Variants in C13orf42 observed in about 807,000 individuals in gnomAD.
C13orf42 encodes uncharacterized protein C13orf42.
chr13:51,164,240 G>A (rs1375339616), intron 1 of C13orf42, among the ~76,000 whole-genome samples: 3 of 152,182 alleles, frequency 2.0e-5, no homozygotes, highest in Non-Finnish European at 2.9e-5. Context: ...CTTCCCCACT[G>A]GACTGTAAGC....
At position 51,153,101 on chromosome 13, in the gene C13orf42, T is replaced by C. The variant is rs567041446; in HGVS notation, n.136+19152A>G. ...AATCTTAAAACTCTTAATGATTGTATCTTTGAATTAATGTTTTGTAAGTCA... is the reference window on the plus strand; with the variant it reads ...AATCTTAAAACTCTTAATGATTGTACCTTTGAATTAATGTTTTGTAAGTCA... On this transcript the variant is annotated intron_variant and non_coding_transcript_variant, in intron 1 of 4. Transcript: ENST00000433280. Among the ~76,000 whole-genome samples, 5 of 152,342 alleles carry C rather than the reference T, an allele frequency of 3.3e-5. No homozygotes were observed. In the East Asian group the frequency reaches 9.6e-4, roughly 29 times the overall value.
intron 1 of C13orf42, among the ~76,000 whole-genome samples, chr13:51,154,332 C>A (rs972491312): frequency 4.6e-5 from 7 of 152,164 alleles, no homozygotes; most frequent in Admixed American, 3.3e-4. Context: ...GCTTTCGATT[C>A]TGTTGGGTAT....
At chr13:51,163,689 A>G (rs915898331) in intron 1 of C13orf42, among the ~76,000 whole-genome samples, 19 of 152,078 alleles carry the variant, frequency 1.2e-4, no homozygotes, top group Non-Finnish European at 2.6e-4. Context: ...ATAGATAAGG[A>G]GTGAATCTCC....
intron 1 of C13orf42, among the ~76,000 whole-genome samples, chr13:51,166,480 C>T (rs61205530): frequency 0.15 from 18,453 of 121,976 alleles, 1,754 homozygotes; most frequent in Non-Finnish European, 0.2. Flanking sequence ...CATCGGGAGA[C>T]ATACCTAATG....
At chr13:51,147,654 G>A (rs546747091) in intron 1 of C13orf42, among the ~76,000 whole-genome samples, 5 of 152,172 alleles carry the variant, frequency 3.3e-5, no homozygotes, top group South Asian at 2.1e-4. Flanking sequence ...GCTTGAACCC[G>A]GGAGGCAGAG....
chr13:51,140,442 C>G (rs73188258), intron 1 of C13orf42, among the ~76,000 whole-genome samples: 1 of 152,102 alleles, frequency 6.6e-6, no homozygotes, highest in Non-Finnish European at 1.5e-5. Flanking sequence ...CTTGAATTTT[C>G]GGGGTTCATA....
upstream of C13orf42, among the ~76,000 whole-genome samples, chr13:51,113,515 C>T (rs1030270257): frequency 2.0e-5 from 3 of 152,182 alleles, no homozygotes; most frequent in Admixed American, 6.5e-5. Flanking sequence ...CTCACAGCCT[C>T]AGCTATAAGA....
chr13:51,100,764 A>G (rs1299964846), intron 1 of C13orf42, among the ~76,000 whole-genome samples: 1 of 152,182 alleles, frequency 6.6e-6, no homozygotes, highest in African/African-American at 2.4e-5. Flanking sequence ...TAATACGTAA[A>G]AGAATCCCTA....
At chr13:51,137,221 T>C (rs912946049) in intron 1 of C13orf42, among the ~76,000 whole-genome samples, 2 of 152,198 alleles carry the variant, frequency 1.3e-5, no homozygotes, top group Non-Finnish European at 1.5e-5. Flanking sequence ...TTAACCAAAA[T>C]TGCACACTAT....
intron 1 of C13orf42, chr13:51,161,978 C>A: frequency 2.2e-6 from 1 of 453,658 alleles, no homozygotes; most frequent in Non-Finnish European, 4.3e-6. Flanking sequence ...CTCCACTTGG[C>A]CTTTATAGAT....
At chr13:51,142,908 C>A (rs1021355135) in intron 1 of C13orf42, among the ~76,000 whole-genome samples, 1 of 152,044 alleles carries the variant, frequency 6.6e-6, no homozygotes, top group East Asian at 1.9e-4. Flanking sequence ...ATGTCATGAA[C>A]GGTCAGTGTA....
intron 1 of C13orf42, among the ~76,000 whole-genome samples, chr13:51,096,073 T>G (rs1953232092): frequency 6.6e-6 from 1 of 152,220 alleles, no homozygotes; most frequent in Non-Finnish European, 1.5e-5. Context: ...GTTGTTGCTA[T>G]GGTTACTCGA....
intron 1 of C13orf42, among the ~76,000 whole-genome samples, chr13:51,106,503 A>G (rs1953357184): frequency 6.6e-6 from 1 of 152,196 alleles, no homozygotes; most frequent in South Asian, 2.1e-4. Flanking sequence ...ACAGATTGGG[A>G]TCAAATCCTG....
intron 1 of C13orf42, among the ~76,000 whole-genome samples, chr13:51,164,596 G>T (rs1193201437): frequency 6.6e-6 from 1 of 152,134 alleles, no homozygotes; most frequent in African/African-American, 2.4e-5. Flanking sequence ...GGAGTTCAAG[G>T]CTGTAATAAG....
At chr13:51,156,946 A>G (rs1336738524) in intron 1 of C13orf42, among the ~76,000 whole-genome samples, 2 of 152,222 alleles carry the variant, frequency 1.3e-5, no homozygotes, top group Non-Finnish European at 2.9e-5. Context: ...ATATCTTCAC[A>G]TCCTGCTGAG....
chr13:51,163,293 T>A (rs1953880589), intron 1 of C13orf42, among the ~76,000 whole-genome samples: 1 of 152,194 alleles, frequency 6.6e-6, no homozygotes, highest in Non-Finnish European at 1.5e-5. Flanking sequence ...TTTTACTTTC[T>A]CCAGCTTTTC....
chr13:51,084,685 G>A (rs543802331), intron 3 of C13orf42, among the ~76,000 whole-genome samples: 5 of 152,352 alleles, frequency 3.3e-5, no homozygotes, highest in South Asian at 4.1e-4. Flanking sequence ...AGGCCCTTCC[G>A]TTGTGACAGG....
intron 1 of C13orf42, among the ~76,000 whole-genome samples, chr13:51,157,224 A>G (rs1953830955): frequency 6.6e-6 from 1 of 152,170 alleles, no homozygotes; most frequent in Non-Finnish European, 1.5e-5. Flanking sequence ...GTTTGAGGTC[A>G]GGAGTTCGAG....
At chr13:51,103,942 T>C (rs1953321171) in intron 1 of C13orf42, among the ~76,000 whole-genome samples, 1 of 152,152 alleles carries the variant, frequency 6.6e-6, no homozygotes, top group African/African-American at 2.4e-5. Context: ...GAAAAAGTTG[T>C]GGAGATGGAT....
Sources: allele counts gnomAD v4.1 joint callset (sites outside exome capture counted in the v4.1 genomes callset), GRCh38; gene constraint gnomAD v4.1.1; transcripts MANE v1.5; gene names NCBI Gene and HGNC (gene_info 2026-07-23, HGNC 2026-07-21).